The following C5AR1 variants were observed in gnomAD, a reference collection of about 807,000 sequenced individuals.
C5AR1 encodes C5a anaphylatoxin chemotactic receptor 1.
C5AR1 carries 4 observed loss-of-function variants against 2.4 expected under a neutral mutation model. The observed-to-expected ratio is 1.65, with a 90% CI of 0.81 to 3.77. The LOEUF (loss-of-function observed/expected upper bound fraction) is 3.77, where lower values mean the gene tolerates loss of function less well. Ranked by LOEUF, C5AR1 falls within the 30% of genes most tolerant of loss-of-function variation. The probability of loss-of-function intolerance (pLI) is 0.01; values close to 1 mark genes in which losing one functional copy is unlikely to be tolerated. For synonymous variants in C5AR1, 209 were observed against 210.4 expected, an observed-to-expected ratio of 0.99 and a Z score of 0.06; for missense variants, 418 against 462.5, an observed-to-expected ratio of 0.90 and a Z score of 0.88.
intron 1 of C5AR1, among the ~76,000 whole-genome samples, chr19:47,311,733 T>C (rs941829282): frequency 2.0e-5 from 3 of 151,780 alleles, no homozygotes; most frequent in Non-Finnish European, 4.4e-5. Context: ...CCTGGCTAAT[T>C]TTTTGTCTTT....
At chr19:47,311,801 C>T (rs926947384) in intron 1 of C5AR1, among the ~76,000 whole-genome samples, 1 of 151,644 alleles carries the variant, frequency 6.6e-6, no homozygotes, top group Admixed American at 6.6e-5. Flanking sequence ...CCTGACCTCA[C>T]GTGATCCACC....
chr19:47,312,390 T>C (rs1022068773), intron 1 of C5AR1, among the ~76,000 whole-genome samples: 2 of 152,132 alleles, frequency 1.3e-5, no homozygotes, highest in African/African-American at 4.8e-5. Flanking sequence ...CCAGCCTCCT[T>C]CTCCTTATCT....
chr19:47,311,042 G>C (rs963173526), intron 1 of C5AR1, among the ~76,000 whole-genome samples: 1 of 152,206 alleles, frequency 6.6e-6, no homozygotes, highest in African/African-American at 2.4e-5. Context: ...TGCTTCATCT[G>C]TGTCAAAGAG....
chr19:47,320,499 T>C lies in C5AR1; in HGVS notation c.722T>C (p.Leu241Pro). The C allele has an allele frequency of 6.2e-7, 1 of 1,613,928 alleles. No individual in the cohort carries two copies. Among genetic ancestry groups the C allele is most frequent in the Non-Finnish European group, 8.5e-7 (1 of 1,180,004 alleles). ...SRRATRSTKT[L>P]KVVVAVVASF... ...AGGGCCACGCGGTCCACCAAGACACTCAAGGTGGTGGTGGCAGTGGTGGCC... is the reference window on the plus strand; with the variant it reads ...AGGGCCACGCGGTCCACCAAGACACCCAAGGTGGTGGTGGCAGTGGTGGCC... Residue 241 changes from leucine to proline, a missense_variant, in exon 2 of 2, where the codon CTC (leucine) becomes CCC (proline). Coordinates refer to ENST00000355085, the MANE Select transcript of C5AR1 (RefSeq NM_001736.4). The surrounding 1 kb of genome is among the most constrained non-coding windows in gnomAD (Gnocchi z 4.9).
At chr19:47,309,394 C>T (rs1293666895), upstream of C5AR1, among the ~76,000 whole-genome samples, 1 of 151,632 alleles carries the variant, frequency 6.6e-6, no homozygotes, top group Admixed American at 6.6e-5. Context: ...GCCAACATGG[C>T]GAAACCCCGT....
At position 47,320,363 on chromosome 19, in the gene C5AR1, A is replaced by T; in HGVS notation, c.586A>T (p.Lys196Ter). 1.2e-6 allele frequency: 2 copies of T among 1,609,778 alleles called. No individual in the cohort carries two copies. Among genetic ancestry groups the T allele is most frequent in the Non-Finnish European group, 1.7e-6 (2 of 1,179,928 alleles). The change falls in exon 2 of 2, where the codon AAA becomes TAA. Residue 196 changes from lysine to a stop codon, truncating the protein, a stop_gained. Transcript: ENST00000355085. LOFTEE classifies it low-confidence loss of function (END_TRUNC). This position sits in a 1 kb window ranked among gnomAD's most constrained non-coding sequence, Gnocchi z 4.9. ...GTGTGGCGTGGACTACAGCCACGACAAACGGCGGGAGCGAGCCGTGGCCAT... is the reference window on the plus strand; with the variant it reads ...GTGTGGCGTGGACTACAGCCACGACTAACGGCGGGAGCGAGCCGTGGCCAT... Reference protein sequence around the residue: ...VLCGVDYSHDKRRERAVAIVR... With the variant: ...VLCGVDYSHD
rs1046839005 is a variant in C5AR1, at chr19:47,321,638, A to G, written c.*808A>G. ...GCAAAGCAAAAACAAAAACAAAAAC[A>G]CCTAAAAAACCTGCAGTTTTGTTTG... is the stretch of plus-strand genomic sequence containing the variant. On this transcript the variant is annotated 3_prime_UTR_variant, in exon 2 of 2. Coordinates refer to ENST00000355085, the MANE Select transcript of C5AR1 (RefSeq NM_001736.4). The G allele has an allele frequency of 6.6e-6, 1 of 151,926 alleles. No individual in the cohort carries two copies. The highest frequency in any genetic ancestry group is 2.4e-5 in the African/African-American group (1 of 41,342). 9.4% of individuals were successfully genotyped at this position (151,926 alleles called of 1,614,324 possible). A position where few individuals can be genotyped will look rare whatever the true frequency, so the allele number is the denominator to read the frequency against.
chr19:47,311,658 G>A (rs1032381092), intron 1 of C5AR1, among the ~76,000 whole-genome samples: 1 of 152,122 alleles, frequency 6.6e-6, no homozygotes, highest in Non-Finnish European at 1.5e-5. Flanking sequence ...TCTGCCTCGC[G>A]GCTTCAAGCA....
At chr19:47,311,205 T>G (rs2059269222) in intron 1 of C5AR1, among the ~76,000 whole-genome samples, 1 of 151,156 alleles carries the variant, frequency 6.6e-6, no homozygotes, top group Non-Finnish European at 1.5e-5. Context: ...AAGTACCAAA[T>G]GATACTTGGT....
In C5AR1 at chr19:47,312,187, G is replaced by C. The variant is rs547376947; in HGVS notation, c.3+2289G>C. Among the ~76,000 whole-genome samples the C allele has an allele frequency of 2.0e-5, 3 of 152,272 alleles. No homozygotes were observed. In the South Asian group the frequency reaches 6.2e-4, roughly 32 times the overall value. ...TGTAACCTCCACCTCCTGGGTTCAAGTGATTCTCCTGCCTCAGCCTCCCAG... is the reference window on the plus strand; with the variant it reads ...TGTAACCTCCACCTCCTGGGTTCAACTGATTCTCCTGCCTCAGCCTCCCAG... On this transcript the variant is annotated intron_variant, in intron 1 of 1. Transcript: ENST00000355085.
chr19:47,311,926 G>C (rs1341369430), intron 1 of C5AR1, among the ~76,000 whole-genome samples: 3 of 152,094 alleles, frequency 2.0e-5, no homozygotes, highest in East Asian at 1.9e-4. Flanking sequence ...GCCAGTTTGT[G>C]GTGGATCCTT....
intron 1 of C5AR1, among the ~76,000 whole-genome samples, chr19:47,318,447 C>T (rs1014699107): frequency 5.3e-5 from 8 of 151,982 alleles, no homozygotes; most frequent in African/African-American, 1.7e-4. Context: ...GTGCCCGCCA[C>T]CACGCCTGGC....
At chr19:47,307,972 T>C (rs2059258525), upstream of C5AR1, among the ~76,000 whole-genome samples, 1 of 151,154 alleles carries the variant, frequency 6.6e-6, no homozygotes, top group African/African-American at 2.4e-5. Context: ...CCCAGCATTT[T>C]GGGAGGCTGA....
intron 1 of C5AR1, among the ~76,000 whole-genome samples, chr19:47,312,534 C>T (rs56373414): frequency 0.017 from 2,548 of 152,292 alleles, 20 homozygotes; most frequent in Non-Finnish European, 0.024. Flanking sequence ...TCTATCCTTT[C>T]CCAGCCTTAT....
At position 47,319,931 on chromosome 19, in the gene C5AR1, G is replaced by T. The variant is rs777420100; in HGVS notation, c.154G>T (p.Val52Leu). 32 of 1,614,148 alleles carry T rather than the reference G, an allele frequency of 2.0e-5. No homozygotes were observed. The highest frequency in any genetic ancestry group is 2.7e-5 in the African/African-American group (2 of 74,950). Residue 52 changes from valine (V) to leucine (L), a missense_variant, in exon 2 of 2, where the codon GTG (valine) becomes TTG (leucine). Val to Leu is a conservative substitution (Grantham distance 32). Coordinates refer to ENST00000355085, the MANE Select transcript of C5AR1 (RefSeq NM_001736.4). ...VIFAVVFLVG[V>L]LGNALVVWVT... ...CTTTGCAGTCGTCTTCCTGGTGGGA[G>T]TGCTGGGCAATGCCCTGGTGGTCTG...
In C5AR1 at chr19:47,321,073, A is replaced by G; in HGVS notation, c.*243A>G. ...CCCACCCCCCACCCCCCCCACACACACCATCTTTCCATCCCAGGCTTTTGA... is the reference window on the plus strand; with the variant it reads ...CCCACCCCCCACCCCCCCCACACACGCCATCTTTCCATCCCAGGCTTTTGA... On this transcript the variant is annotated 3_prime_UTR_variant, in exon 2 of 2. Coordinates refer to ENST00000355085, the MANE Select transcript of C5AR1 (RefSeq NM_001736.4). 4.9e-6 allele frequency: 1 copy of G among 204,648 alleles called. No individual in the cohort carries two copies. The allele number at this position is 204,648 out of a possible 1,614,324, so 12.7% of individuals were successfully genotyped here.
At chr19:47,309,686 C>T (rs2059263989), upstream of C5AR1, among the ~76,000 whole-genome samples, 1 of 152,170 alleles carries the variant, frequency 6.6e-6, no homozygotes, top group Admixed American at 6.6e-5. Flanking sequence ...GCGCCGGCCC[C>T]CCTTCTCTGC....
At chr19:47,311,452 T>G (rs946363951) in intron 1 of C5AR1, among the ~76,000 whole-genome samples, 5 of 151,780 alleles carry the variant, frequency 3.3e-5, no homozygotes, top group African/African-American at 1.2e-4. Flanking sequence ...GAGGTTGCAG[T>G]GAGCCGAGAT....
rs201655735 is a variant in C5AR1 at position 47,319,769 on chromosome 19, G to A, written c.4-12G>A. The A allele has an allele frequency of 6.6e-4, 1,030 of 1,556,720 alleles. 3 individuals are homozygous for A. The highest frequency in any genetic ancestry group is 2.4e-3 in the South Asian group (215 of 88,770). ...CAGACTCATCCTCTCTGCTCTCTCC[G>A]ATTCCCCTTAGGACTCCTTCAATTA... On this transcript the variant is annotated splice_polypyrimidine_tract_variant and intron_variant, in intron 1 of 1. Transcript: ENST00000355085.
Sources: allele counts gnomAD v4.1 joint callset (sites outside exome capture counted in the v4.1 genomes callset), GRCh38; gene constraint gnomAD v4.1.1; non-coding constraint Gnocchi (gnomAD v3.1); transcripts MANE v1.5; gene names NCBI Gene and HGNC (gene_info 2026-07-23, HGNC 2026-07-21).